Variants in NAA60 observed in about 807,000 individuals in gnomAD.
The protein encoded by NAA60 is N-alpha-acetyltransferase 60, NatF catalytic subunit.
Under a neutral mutation model 26.1 loss-of-function variants are expected in NAA60, and 8 were observed. The observed-to-expected ratio is 0.31, with a 90% CI of 0.18 to 0.55. The LOEUF (loss-of-function observed/expected upper bound fraction) is 0.55, where lower values mean the gene tolerates loss of function less well. Ranked by LOEUF, NAA60 falls within the 20% of genes least tolerant of loss-of-function variation. The probability of loss-of-function intolerance (pLI) is 0.93; values close to 1 mark genes in which losing one functional copy is unlikely to be tolerated. For missense variants in NAA60, 290 were observed against 311.3 expected, an observed-to-expected ratio of 0.93 and a Z score of 0.51; for synonymous variants, 131 against 122.5, an observed-to-expected ratio of 1.07 and a Z score of -0.46.
chr16:3,458,836 A>C (rs1307895511), intron 2 of NAA60, among the ~76,000 whole-genome samples: 1 of 152,132 alleles, frequency 6.6e-6, no homozygotes, highest in Non-Finnish European at 1.5e-5. Context: ...CAGATTGGGT[A>C]CTTCCCAGGG....
At chr16:3,453,218 GA>G (rs1342328453) in intron 2 of NAA60, among the ~76,000 whole-genome samples, 1 of 152,072 alleles carries the variant, frequency 6.6e-6, no homozygotes, top group Non-Finnish European at 1.5e-5. Context: ...GCAACATGGT[GA>G]AACCCTGTCT....
rs1447420955 is a variant in NAA60 at position 3,486,270 on chromosome 16, T to C, written c.*1010T>C. On this transcript the variant is annotated 3_prime_UTR_variant, in exon 8 of 8. Coordinates refer to ENST00000407558, the MANE Select transcript of NAA60 (RefSeq NM_001083601.3). The stretch of plus-strand genomic sequence containing the variant: ...CTTCTAGCATCCTCTCCACCCTGCA[T>C]TCCAAATGCTGCTTGCTGCCTGCCC... The C allele has an allele frequency of 6.5e-6, 1 of 153,704 alleles. No individual in the cohort carries two copies. The highest frequency in any genetic ancestry group is 2.4e-5 in the African/African-American group (1 of 41,468). 9.5% of individuals were successfully genotyped at this position (153,704 alleles called of 1,614,324 possible).
At chr16:3,478,687 A>G (rs542092027) in intron 3 of NAA60, among the ~76,000 whole-genome samples, 33 of 152,050 alleles carry the variant, frequency 2.2e-4, no homozygotes, top group African/African-American at 7.7e-4. Context: ...CATTCCCCTT[A>G]AGGGCGGGTT....
At chr16:3,479,393 G>A (rs2036685107) in intron 3 of NAA60, 78 bp from the exon 4 acceptor site, 2 of 1,522,504 alleles carry the variant, frequency 1.3e-6, no homozygotes, top group African/African-American at 2.7e-5. Flanking sequence ...AGAGCTCCCT[G>A]TGGTTCTGAT....
At chr16:3,448,603 TAAGTG>T in intron 2 of NAA60, 63 bp downstream of exon 2, 1 of 1,381,164 alleles carries the variant, frequency 7.2e-7, no homozygotes. Flanking sequence ...GAAGCCTACT[TAAGTG>T]AAATCCATTT....
At chr16:3,460,462 C>G (rs751130432) in intron 2 of NAA60, among the ~76,000 whole-genome samples, 3 of 152,208 alleles carry the variant, frequency 2.0e-5, no homozygotes, top group Non-Finnish European at 2.9e-5. Flanking sequence ...CTCCCAAACT[C>G]AAGTGATTCT....
intron 2 of NAA60, among the ~76,000 whole-genome samples, chr16:3,458,864 G>C (rs1596302378): frequency 6.6e-6 from 1 of 152,184 alleles, no homozygotes; most frequent in African/African-American, 2.4e-5. Context: ...GGAATCTGTA[G>C]CTTTTGTGGT....
At chr16:3,460,615 T>G (rs1465573447) in intron 2 of NAA60, among the ~76,000 whole-genome samples, 1 of 152,222 alleles carries the variant, frequency 6.6e-6, no homozygotes, top group African/African-American at 2.4e-5. Flanking sequence ...ATCCGCCGCC[T>G]CAGCCTCCCA....
intron 1 of NAA60, among the ~76,000 whole-genome samples, chr16:3,446,967 G>C (rs761388313): frequency 6.6e-6 from 1 of 151,790 alleles, no homozygotes; most frequent in Non-Finnish European, 1.5e-5. Flanking sequence ...TCAGCCTCCC[G>C]AGTAGCTGGG....
At chr16:3,465,093 C>G (rs1379377126) in intron 2 of NAA60, among the ~76,000 whole-genome samples, 1 of 151,988 alleles carries the variant, frequency 6.6e-6, no homozygotes, top group African/African-American at 2.4e-5. Context: ...GGGTGAAACC[C>G]CGTCTCTACT....
intron 3 of NAA60, among the ~76,000 whole-genome samples, chr16:3,478,897 T>G (rs1405139855): frequency 6.6e-6 from 1 of 152,114 alleles, no homozygotes; most frequent in African/African-American, 2.4e-5. Flanking sequence ...TGCTGCTGAC[T>G]CTCCATGAGT....
chr16:3,486,570 C>G lies in NAA60; in HGVS notation c.*1310C>G, dbSNP rs2037150958. On this transcript the variant is annotated 3_prime_UTR_variant, in exon 8 of 8. Coordinates refer to ENST00000407558, the MANE Select transcript of NAA60 (RefSeq NM_001083601.3). ...GGGCCCTCAGAATGAAGGCAGGCAC[C>G]AGGCAGGAGCAGCATCCCCCTCCTT... 1 of 152,380 alleles carries G rather than the reference C, an allele frequency of 6.6e-6. No individual in the cohort carries two copies. The highest frequency in any genetic ancestry group is 2.4e-5 in the African/African-American group (1 of 41,466). The allele number at this position is 152,380 out of a possible 1,614,324, so 9.4% of individuals were successfully genotyped here.
intron 2 of NAA60, among the ~76,000 whole-genome samples, chr16:3,460,348 G>T (rs893777524): frequency 6.6e-6 from 1 of 152,020 alleles, no homozygotes; most frequent in Admixed American, 6.6e-5. Context: ...CTGTTTGTTT[G>T]TTTTTGTTTT....
At chr16:3,473,439 G>A (rs2150997012) in intron 2 of NAA60, among the ~76,000 whole-genome samples, 1 of 152,264 alleles carries the variant, frequency 6.6e-6, no homozygotes. Flanking sequence ...CAGGTCTCGT[G>A]GGACTTATTC....
At chr16:3,483,023 CAG>C (rs2036946727) in intron 5 of NAA60, 3 of 477,890 alleles carry the variant, frequency 6.3e-6, no homozygotes, top group South Asian at 2.5e-5. Context: ...CAGTGAGCGG[CAG>C]AGTCTTAATT....
rs78938698 is a variant in NAA60, at chr16:3,478,397, C to A, written c.111-1074C>A. ...CCGTGGGCCTTGGCCATGTGAGCCACCCAGCCTGCCTGTCTCTCCTGCAGT... is the reference window on the plus strand; with the variant it reads ...CCGTGGGCCTTGGCCATGTGAGCCAACCAGCCTGCCTGTCTCTCCTGCAGT... On this transcript the variant is annotated intron_variant, in intron 3 of 7. Transcript: ENST00000407558. 3.1e-3 allele frequency among the ~76,000 whole-genome samples: 468 copies of A among 152,310 alleles called. 4 individuals carry two copies. Among genetic ancestry groups the A allele is most frequent in the African/African-American group, 0.011 (444 of 41,570 alleles).
At position 3,479,501 on chromosome 16, in the gene NAA60, A is replaced by G. The variant is rs2151012557; in HGVS notation, c.141A>G (p.Thr47=). 3 of 1,614,036 alleles carry G rather than the reference A, an allele frequency of 1.9e-6. No homozygotes were observed. The highest frequency in any genetic ancestry group is 2.5e-6 in the Non-Finnish European group (3 of 1,179,886). ...EYPDSWYRDI[T]SNKKFFSLAA... ...CAGACTCATGGTATCGTGATATCACATCCAACAAGAAGTTCTTTTCCCTTG... is the reference window on the plus strand; with the variant it reads ...CAGACTCATGGTATCGTGATATCACGTCCAACAAGAAGTTCTTTTCCCTTG... The change falls in exon 4 of 8, where the codon ACA becomes ACG. Residue 47 remains threonine, a synonymous_variant. Transcript: ENST00000407558.
In NAA60 at chr16:3,459,736, GAA is replaced by G. The variant is rs200296766; in HGVS notation, c.-7+11197_-7+11198del. 9.4e-3 allele frequency among the ~76,000 whole-genome samples: 1,430 copies of G among 152,074 alleles called. 34 individuals are homozygous for G. Among genetic ancestry groups the G allele is most frequent in the African/African-American group, 0.033 (1,371 of 41,534 alleles). On this transcript the variant is annotated intron_variant, in intron 2 of 7. Transcript: ENST00000407558. The stretch of plus-strand genomic sequence containing the variant: ...GGCATGGTCTGGTATCAGCATGCCA[GAA>G]TAAAACACACAGACAGCTTTTTAAA...
rs952264677 is a variant in NAA60 at position 3,486,382 on chromosome 16, G to T, written c.*1122G>T. ...CAAAGCCATGGCAGAGGGTCCTAGC[G>T]GCGCCACCCTGCCCCAGCCTGAGGA... On this transcript the variant is annotated 3_prime_UTR_variant, in exon 8 of 8. Coordinates refer to ENST00000407558, the MANE Select transcript of NAA60 (RefSeq NM_001083601.3). 1 of 153,218 alleles carries T rather than the reference G, an allele frequency of 6.5e-6. No homozygotes were observed. The highest frequency in any genetic ancestry group is 2.4e-5 in the African/African-American group (1 of 41,468). The allele number at this position is 153,218 out of a possible 1,614,324, so 9.5% of individuals were successfully genotyped here. A position where few individuals can be genotyped will look rare whatever the true frequency, so the allele number is the denominator to read the frequency against.
Sources: allele counts gnomAD v4.1 joint callset (sites outside exome capture counted in the v4.1 genomes callset), GRCh38; gene constraint gnomAD v4.1.1; transcripts MANE v1.5; gene names NCBI Gene and HGNC (gene_info 2026-07-23, HGNC 2026-07-21).